Variants in GPR107 observed in about 807,000 individuals in gnomAD.
GPR107 encodes the protein G protein-coupled receptor 107, also known as protein GPR107.
A neutral mutation model predicts 75.5 loss-of-function variants in GPR107; 31 were observed. The ratio of observed to expected loss-of-function variants is 0.41; its 90% CI spans 0.31 to 0.55. The LOEUF is 0.55. Ranked by LOEUF, GPR107 falls within the 20% of genes least tolerant of loss-of-function variation. The pLI is 0.26. For missense variants in GPR107, 572 were observed against 665.7 expected (o/e 0.86, Z 1.55); for synonymous variants, 267 against 251.3 (o/e 1.06, Z -0.59).
rs184785008 is a variant in GPR107, at chr9:130,112,275, C to T, written c.1306+4736C>T. Among the ~76,000 whole-genome samples the T allele has an allele frequency of 1.2e-3, 179 of 152,334 alleles. 2 individuals are homozygous for T. In the Middle Eastern group the frequency reaches 0.014, roughly 12 times the overall value. ...GAGGAACGGCTTCATTCCGAGGTGCCGCCGTGCTCTGAAAGGAGCCGCGAC... is the reference window on the plus strand; with the variant it reads ...GAGGAACGGCTTCATTCCGAGGTGCTGCCGTGCTCTGAAAGGAGCCGCGAC... On this transcript the variant is annotated intron_variant, in intron 14 of 17. Transcript: ENST00000347136. The surrounding 1 kb of genome is among the most constrained non-coding windows in gnomAD (Gnocchi z 4.0).
intron 7 of GPR107, among the ~76,000 whole-genome samples, chr9:130,088,279 A>G (rs1226780731): frequency 6.6e-6 from 1 of 152,178 alleles, no homozygotes; most frequent in Non-Finnish European, 1.5e-5. Context: ...ATCAGGCTTT[A>G]GGCTCTGCTC....
At chr9:130,062,850 A>T (rs896163449) in intron 1 of GPR107, among the ~76,000 whole-genome samples, 1 of 152,072 alleles carries the variant, frequency 6.6e-6, no homozygotes. Context: ...CTGCCTGCCT[A>T]GTAGCTAGTA....
intron 15 of GPR107, among the ~76,000 whole-genome samples, chr9:130,126,783 C>A (rs1370854221): frequency 3.8e-4 from 57 of 151,448 alleles, no homozygotes; most frequent in Non-Finnish European, 4.4e-5. Flanking sequence ...TTTTTTTTTT[C>A]TTTCTTTGTT....
intron 1 of GPR107, among the ~76,000 whole-genome samples, chr9:130,055,689 AATCC>A (rs1829766181): frequency 6.6e-6 from 1 of 152,160 alleles, no homozygotes; most frequent in Non-Finnish European, 1.5e-5. Context: ...TCACACCTAT[AATCC>A]TAGCACTTTG....
chr9:130,079,798 A>G, intron 5 of GPR107, 29 bp downstream of exon 5: 1 of 1,488,798 alleles, frequency 6.7e-7, no homozygotes. Flanking sequence ...ACTGGCTTTC[A>G]GTTTTCACTA....
At position 130,083,598 on chromosome 9, in the gene GPR107, CA is replaced by C; in HGVS notation, c.563del (p.Lys188ArgfsTer110). The C allele has an allele frequency of 6.6e-7, 1 of 1,523,062 alleles. No homozygotes were observed. Among genetic ancestry groups the C allele is most frequent in the South Asian group, 1.3e-5 (1 of 75,698 alleles). 94.3% of individuals were successfully genotyped at this position (1,523,062 alleles called of 1,614,324 possible). A position where few individuals can be genotyped will look rare whatever the true frequency, so the allele number is the denominator to read the frequency against. On this transcript the variant is annotated frameshift_variant, in exon 6 of 18. Coordinates refer to ENST00000347136, the MANE Select transcript of GPR107 (RefSeq NM_020960.5). LOFTEE classifies it high-confidence loss of function. ...AAGTCTAAAAGAAGTACAGTGGATT[CA>C]AAGGTAAGAACTAACCACCCTTTTG... ...GGKSKRSTVD[S>X]KAMGEKSFSV...
At chr9:130,066,380 G>T (rs1329041301) in intron 1 of GPR107, among the ~76,000 whole-genome samples, 2 of 108,846 alleles carry the variant, frequency 1.8e-5, no homozygotes, top group Admixed American at 2.2e-4. Flanking sequence ...TATTATGATT[G>T]CGCATTGATG....
intron 14 of GPR107, among the ~76,000 whole-genome samples, chr9:130,117,103 C>T (rs1334520793): frequency 2.0e-5 from 3 of 151,994 alleles, no homozygotes; most frequent in South Asian, 2.1e-4. Context: ...TGCACCACCA[C>T]GCCTGGTTAA....
chr9:130,093,565 G>T (rs1442838282), intron 9 of GPR107, among the ~76,000 whole-genome samples: 1 of 152,170 alleles, frequency 6.6e-6, no homozygotes, highest in Non-Finnish European at 1.5e-5. Context: ...GCTGGGTTCA[G>T]TTGCTGGTAC....
At position 130,100,629 on chromosome 9, in the gene GPR107, A is replaced by G; in HGVS notation, c.940A>G (p.Ile314Val). ...CTGAAATGCAGTTGTTTGATTTCAG[A>G]TTGACTACCACTACATCTCCTCCCA... is the stretch of plus-strand genomic sequence containing the variant. ...TKSLSLVFHAIDYHYISSQGF... is the reference protein window; with the variant it reads ...TKSLSLVFHAVDYHYISSQGF... The change falls in exon 11 of 18, where the codon ATT (isoleucine) becomes GTT (valine). Residue 314 changes from isoleucine to valine, a missense_variant and splice_region_variant. Ile to Val is a conservative substitution (Grantham distance 29, BLOSUM62 3). Coordinates refer to ENST00000347136, the MANE Select transcript of GPR107 (RefSeq NM_020960.5). 6.2e-7 allele frequency: 1 copy of G among 1,609,006 alleles called. No homozygotes were observed. Among genetic ancestry groups the G allele is most frequent in the Non-Finnish European group, 8.5e-7 (1 of 1,175,296 alleles).
Position 130,075,727 on chromosome 9 carries a change from A to G in GPR107, c.233A>G (p.Glu78Gly), listed in dbSNP as rs1389534812. Residue 78 changes from glutamate (E) to glycine (G), a missense_variant, in exon 2 of 18, where the codon GAG (glutamate) becomes GGG (glycine). Transcript: ENST00000347136. ...VVNVSSLSLN[E>G]PEDKDVTIGF... ...AATGTCAGTAGCCTCTCACTGAATG[A>G]GCCTGAAGACAAGGATGTGACTGTA... 6.4e-7 allele frequency: 1 copy of G among 1,572,182 alleles called. No individual in the cohort carries two copies. The highest frequency in any genetic ancestry group is 1.1e-5 in the South Asian group (1 of 90,272).
intron 10 of GPR107, 119 bp from the exon 11 acceptor site, chr9:130,100,510 T>G (rs546023332): frequency 1.3e-6 from 1 of 763,092 alleles, no homozygotes; most frequent in African/African-American, 1.7e-5. Flanking sequence ...ATATATCCAG[T>G]GGCAGCGTCA....
intron 14 of GPR107, among the ~76,000 whole-genome samples, chr9:130,110,760 AG>A (rs5900885): frequency 0.6 from 90,698 of 151,408 alleles, 27,120 homozygotes; most frequent in East Asian, 0.79. Context: ...TGTGCTGTGA[AG>A]CTTGCGGGAA....
intron 1 of GPR107, among the ~76,000 whole-genome samples, chr9:130,063,905 A>G (rs1829995539): frequency 6.6e-6 from 1 of 151,112 alleles, no homozygotes; most frequent in Admixed American, 6.6e-5. Flanking sequence ...CCCAGATTCA[A>G]GTGAATCTCT....
At chr9:130,073,087 T>G (rs4837452) in intron 1 of GPR107, among the ~76,000 whole-genome samples, 11,893 of 152,102 alleles carry the variant, frequency 0.078, 590 homozygotes, top group Admixed American at 0.14. Context: ...CTCCTGAGAG[T>G]GGTCACTGTC....
In GPR107 at chr9:130,074,018, A is replaced by G. The variant is rs984617842; in HGVS notation, c.142-1618A>G. Among the ~76,000 whole-genome samples, 6 of 152,110 alleles carry G rather than the reference A, an allele frequency of 3.9e-5. No homozygotes were observed. The South Asian group carries it at 8.3e-4, about 21-fold the overall frequency. ...GTGATCCTCCTGCCTCGGCCTCCCA[A>G]AGTGCTGGGATTACAGGCGTGAGCC... On this transcript the variant is annotated intron_variant, in intron 1 of 17. Coordinates refer to ENST00000347136, the MANE Select transcript of GPR107 (RefSeq NM_020960.5).
chr9:130,129,845 G>C (rs1472134355), intron 17 of GPR107: 1 of 152,270 alleles, frequency 6.6e-6, no homozygotes, highest in Non-Finnish European at 1.5e-5. Flanking sequence ...GGGGTTCTTT[G>C]GGTAGGCAGC....
At chr9:130,100,146 C>T (rs1392395185) in intron 10 of GPR107, among the ~76,000 whole-genome samples, 1 of 152,038 alleles carries the variant, frequency 6.6e-6, no homozygotes, top group Non-Finnish European at 1.5e-5. Context: ...CCGCCCGCCT[C>T]AGCCTCCCAA....
rs913562200 is a variant in GPR107, at chr9:130,086,833, TTGA to T, written c.621+365_621+367del. ...ATAGTACCCCATTCTGAAAGGACCA[TTGA>T]TGATGATTTACGGTGATGTTGTAAT... On this transcript the variant is annotated intron_variant, in intron 7 of 17. Coordinates refer to ENST00000347136, the MANE Select transcript of GPR107 (RefSeq NM_020960.5). Among the ~76,000 whole-genome samples the T allele has an allele frequency of 1.7e-4, 26 of 152,120 alleles. 1 individual carries two copies. In the East Asian group the frequency reaches 3.9e-3, roughly 23 times the overall value.
Sources: allele counts gnomAD v4.1 joint callset (sites outside exome capture counted in the v4.1 genomes callset), GRCh38; gene constraint gnomAD v4.1.1; non-coding constraint Gnocchi (gnomAD v3.1); transcripts MANE v1.5; gene names NCBI Gene and HGNC (gene_info 2026-07-23, HGNC 2026-07-21).